The following CCDC28A variants were observed in gnomAD, a reference collection of about 807,000 sequenced individuals.
CCDC28A encodes the protein coiled-coil domain-containing protein 28A.
CCDC28A carries 24 observed loss-of-function variants against 22.1 expected under a neutral mutation model. That is an observed-to-expected ratio of 1.09 (90% CI 0.79 to 1.53). The LOEUF is 1.53. Among genes scored for constraint, CCDC28A ranks in the 40% most tolerant of loss-of-function variants. CCDC28A has a pLI of 0.00. For missense variants in CCDC28A, 170 were observed against 210.7 expected, an observed-to-expected ratio of 0.81 and a Z score of 1.20; for synonymous variants, 83 against 74.7, an observed-to-expected ratio of 1.11 and a Z score of -0.57.
intron 2 of CCDC28A, among the ~76,000 whole-genome samples, chr6:138,778,114 C>T (rs1354980416): frequency 1.3e-5 from 2 of 152,208 alleles, no homozygotes; most frequent in East Asian, 3.9e-4. Flanking sequence ...TGTATGTATT[C>T]TAAACTTCTT....
chr6:138,785,139 T>A, intron 3 of CCDC28A, 88 bp from the exon 4 acceptor site: 2 of 744,930 alleles, frequency 2.7e-6, no homozygotes, highest in East Asian at 5.4e-5. Context: ...CCTGTTTCTT[T>A]TAGAGCACCT....
intron 4 of CCDC28A, among the ~76,000 whole-genome samples, chr6:138,787,934 T>G (rs1264651562): frequency 6.6e-6 from 1 of 151,756 alleles, no homozygotes; most frequent in African/African-American, 2.4e-5. Flanking sequence ...TCTTTAGTAC[T>G]TTGCTTTTTC....
At chr6:138,789,526 A>G (rs190552349) in intron 5 of CCDC28A, among the ~76,000 whole-genome samples, 2 of 152,366 alleles carry the variant, frequency 1.3e-5, no homozygotes, top group East Asian at 3.9e-4. Flanking sequence ...GTGCAGTAAC[A>G]ACAATTAAGA....
chr6:138,782,242 C>T (rs1292646223), intron 3 of CCDC28A, among the ~76,000 whole-genome samples: 1 of 152,192 alleles, frequency 6.6e-6, no homozygotes, highest in Non-Finnish European at 1.5e-5. Flanking sequence ...ATAAGTGTTG[C>T]AGATGAGAAT....
chr6:138,774,774 G>A (rs1774901463), intron 1 of CCDC28A, among the ~76,000 whole-genome samples: 1 of 152,224 alleles, frequency 6.6e-6, no homozygotes, highest in South Asian at 2.1e-4. Context: ...GTCATGGCAT[G>A]CCTAAATTAA....
At chr6:138,790,965 C>G (rs1775161004) in intron 5 of CCDC28A, among the ~76,000 whole-genome samples, 1 of 152,148 alleles carries the variant, frequency 6.6e-6, no homozygotes, top group Non-Finnish European at 1.5e-5. Flanking sequence ...TGTTCCAGAT[C>G]TAGAGTTGCA....
rs548279361 is a variant in CCDC28A at position 138,785,507 on chromosome 6, G to T, written c.477+126G>T. On this transcript the variant is annotated intron_variant, in intron 4 of 5. Transcript: ENST00000617445. ...GCGTATTCACAGTGTTGTGCCGATC[G>T]CTGTTGAATTGCGGAACACGTTCAC... 2.3e-5 allele frequency: 15 copies of T among 663,708 alleles called. No homozygotes were observed. The African/African-American group carries it at 2.4e-4, about 10-fold the overall frequency. The allele number at this position is 663,708 out of a possible 1,614,324, so 41.1% of individuals were successfully genotyped here.
At chr6:138,784,310 A>G (rs1775061151) in intron 3 of CCDC28A, among the ~76,000 whole-genome samples, 1 of 151,702 alleles carries the variant, frequency 6.6e-6, no homozygotes, top group African/African-American at 2.4e-5. Flanking sequence ...GTTGAAGAAA[A>G]TACATTTTCT....
chr6:138,792,393 A>G (rs1775184262), intron 5 of CCDC28A, among the ~76,000 whole-genome samples: 1 of 152,098 alleles, frequency 6.6e-6, no homozygotes, highest in Non-Finnish European at 1.5e-5. Flanking sequence ...AAAATTAGCC[A>G]GGTATGTTGG....
At chr6:138,791,996 A>C (rs763944144) in intron 5 of CCDC28A, among the ~76,000 whole-genome samples, 4 of 152,242 alleles carry the variant, frequency 2.6e-5, no homozygotes, top group Non-Finnish European at 5.9e-5. Flanking sequence ...AGTGATTATA[A>C]TAAGGGATGA....
intron 4 of CCDC28A, among the ~76,000 whole-genome samples, chr6:138,787,038 G>A (rs559862509): frequency 9.2e-5 from 14 of 152,296 alleles, no homozygotes; most frequent in African/African-American, 2.4e-4. Flanking sequence ...GAAAGGCTTC[G>A]TTTAGTTCAG....
chr6:138,775,971 C>A, intron 1 of CCDC28A, 108 bp from the exon 2 acceptor site: 1 of 870,698 alleles, frequency 1.1e-6, no homozygotes, highest in Non-Finnish European at 1.8e-6. Context: ...TTCTCTTATG[C>A]CCTCTGGAAT....
intron 5 of CCDC28A, among the ~76,000 whole-genome samples, chr6:138,788,721 C>T (rs1386921372): frequency 3.3e-5 from 5 of 151,932 alleles, no homozygotes; most frequent in East Asian, 3.9e-4. Context: ...GGATTACAGG[C>T]GTGAGACACC....
chr6:138,780,436 G>C (rs1774998113), intron 3 of CCDC28A, among the ~76,000 whole-genome samples: 1 of 152,126 alleles, frequency 6.6e-6, no homozygotes, highest in Non-Finnish European at 1.5e-5. Flanking sequence ...TATAAGAATA[G>C]TTAACTGATT....
intron 1 of CCDC28A, among the ~76,000 whole-genome samples, chr6:138,774,677 G>T (rs1467053284): frequency 6.6e-6 from 1 of 152,224 alleles, no homozygotes; most frequent in South Asian, 2.1e-4. Flanking sequence ...GTGGCACTAA[G>T]TCCAGGCAAA....
At chr6:138,787,407 T>G (rs1011904047) in intron 4 of CCDC28A, among the ~76,000 whole-genome samples, 2 of 152,170 alleles carry the variant, frequency 1.3e-5, no homozygotes, top group African/African-American at 4.8e-5. Flanking sequence ...CTTTCCTACC[T>G]GTAGAACTAT....
intron 1 of CCDC28A, 25 bp from the exon 2 acceptor site, chr6:138,776,054 T>C (rs1583519368): frequency 7.0e-6 from 11 of 1,573,206 alleles, no homozygotes; most frequent in Middle Eastern, 1.7e-4. Context: ...AGCATACATA[T>C]ATAATTGCTG....
intron 1 of CCDC28A, among the ~76,000 whole-genome samples, chr6:138,775,124 A>G (rs1774908474): frequency 6.6e-6 from 1 of 152,202 alleles, no homozygotes; most frequent in African/African-American, 2.4e-5. Context: ...TATTTTTAGT[A>G]GAGACGGGGT....
intron 3 of CCDC28A, among the ~76,000 whole-genome samples, chr6:138,780,921 T>A (rs28497177): frequency 6.6e-6 from 1 of 152,212 alleles, no homozygotes; most frequent in South Asian, 2.1e-4. Flanking sequence ...ATAATCTTTT[T>A]AAAAAATTTT....
Sources: gnomAD v4.1 joint callset for allele counts (sites outside exome capture counted in the v4.1 genomes callset) on GRCh38, gnomAD v4.1.1 for gene constraint, MANE v1.5 for transcripts, NCBI Gene and HGNC (gene_info 2026-07-23, HGNC 2026-07-21) for gene names.